MTMR6: variants seen among roughly 807,000 people sequenced by gnomAD.
The protein encoded by MTMR6 is phosphatidylinositol-3,5-bisphosphate 3-phosphatase MTMR6.
Under a neutral mutation model 80.1 loss-of-function variants are expected in MTMR6, and 47 were observed. That is an observed-to-expected ratio of 0.59 (90% confidence interval 0.46 to 0.75). The LOEUF (loss-of-function observed/expected upper bound fraction) is 0.75. Ranked by LOEUF, MTMR6 falls within the 30% of genes least tolerant of loss-of-function variation. The pLI is 0.00. For missense variants in MTMR6, 629 were observed against 730.9 expected (o/e 0.86, Z 1.61); for synonymous variants, 254 against 253.0 (o/e 1.00, Z -0.04).
intron 6 of MTMR6, 121 bp from the exon 7 acceptor site, chr13:25,258,813 C>G (rs561511759): frequency 1.4e-6 from 1 of 717,582 alleles, no homozygotes; most frequent in African/African-American, 1.9e-5. Context: ...CTCATCAAAA[C>G]TGAATAAGCT....
At chr13:25,266,972 T>C (rs74042904) in intron 3 of MTMR6, among the ~76,000 whole-genome samples, 3,599 of 152,188 alleles carry the variant, frequency 0.024, 154 homozygotes, top group African/African-American at 0.083. Flanking sequence ...GATAAGATTC[T>C]TCTTTAGTGG....
chr13:25,272,570 T>G (rs1222021382), intron 2 of MTMR6, among the ~76,000 whole-genome samples: 4 of 152,230 alleles, frequency 2.6e-5, no homozygotes, highest in South Asian at 4.2e-4. Context: ...CAAGAGGTAG[T>G]TTTTCAACCC....
At chr13:25,275,463 T>C (rs1391239509) in intron 1 of MTMR6, among the ~76,000 whole-genome samples, 2 of 152,056 alleles carry the variant, frequency 1.3e-5, no homozygotes, top group South Asian at 2.1e-4. Flanking sequence ...AATTTATGTG[T>C]ACCAGCAGGT....
intron 8 of MTMR6, 71 bp downstream of exon 8, chr13:25,257,665 C>G (rs1423460171): frequency 1.5e-5 from 16 of 1,096,308 alleles, no homozygotes; most frequent in Non-Finnish European, 1.9e-5. Flanking sequence ...ATACCAGCCC[C>G]CAACAGAATA....
chr13:25,254,071 T>C, intron 10 of MTMR6, 107 bp from the exon 11 acceptor site: 1 of 1,158,726 alleles, frequency 8.6e-7, no homozygotes, highest in Non-Finnish European at 1.2e-6. Flanking sequence ...ACTGTTACAT[T>C]AGCATGCAAA....
intron 2 of MTMR6, among the ~76,000 whole-genome samples, chr13:25,273,586 C>T (rs960653422): frequency 6.8e-6 from 1 of 147,422 alleles, no homozygotes; most frequent in Non-Finnish European, 1.5e-5. Context: ...AGTGCAATGG[C>T]GCGATCTCGG....
At position 25,248,907 on chromosome 13, in the gene MTMR6, G is replaced by T; in HGVS notation, c.*325C>A. On this transcript the variant is annotated 3_prime_UTR_variant, in exon 14 of 14. Transcript: ENST00000381801. ...AATTTTGTTTTCTTGAAGTTAAATT[G>T]TACTTAAGGAAGGTTATTTATGTTT... 1 of 209,086 alleles carries T rather than the reference G, an allele frequency of 4.8e-6. No homozygotes were observed. Among genetic ancestry groups the T allele is most frequent in the Non-Finnish European group, 9.5e-6 (1 of 105,376 alleles). The allele number at this position is 209,086 out of a possible 1,614,324, so 13.0% of individuals were successfully genotyped here.
At chr13:25,253,415 G>A (rs1369219645) in intron 11 of MTMR6, among the ~76,000 whole-genome samples, 2 of 152,156 alleles carry the variant, frequency 1.3e-5, no homozygotes, top group African/African-American at 2.4e-5. Flanking sequence ...AATGCAGACC[G>A]AAAAGAAGCA....
At chr13:25,268,568 A>G (rs1200190832) in intron 2 of MTMR6, among the ~76,000 whole-genome samples, 1 of 152,174 alleles carries the variant, frequency 6.6e-6, no homozygotes, top group African/African-American at 2.4e-5. Context: ...AAAACTCATA[A>G]TAACACCAAA....
chr13:25,266,323 T>A, intron 3 of MTMR6, 37 bp from the exon 4 acceptor site: 1 of 1,519,484 alleles, frequency 6.6e-7, no homozygotes, highest in Non-Finnish European at 9.1e-7. Flanking sequence ...AAGTGCAATT[T>A]ATAAGACTTA....
chr13:25,249,393 A>G lies in MTMR6; in HGVS notation c.1705T>C (p.Cys569Arg). The change falls in exon 14 of 14, where the codon TGT becomes CGT. Residue 569 changes from cysteine to arginine, a missense_variant. By Grantham distance (180) the Cys-to-Arg change is radical (BLOSUM62 -3). Transcript: ENST00000381801. ...PESPNLKTSL[C>R]FKEQTLLPVN... The stretch of plus-strand genomic sequence containing the variant: ...GGTAGCAGAGTCTGCTCTTTAAAAC[A>G]CAGGGAAGTTTTGAGGTTAGGTGAT... The G allele has an allele frequency of 1.2e-6, 2 of 1,614,148 alleles. No homozygotes were observed. Among genetic ancestry groups the G allele is most frequent in the South Asian group, 1.1e-5 (1 of 91,088 alleles).
At chr13:25,269,878 T>C (rs1416682056) in intron 2 of MTMR6, among the ~76,000 whole-genome samples, 1 of 152,140 alleles carries the variant, frequency 6.6e-6, no homozygotes, top group Admixed American at 6.5e-5. Context: ...ATCACTTATA[T>C]TAATGCGCCT....
At chr13:25,271,494 AT>A (rs776218034) in intron 2 of MTMR6, among the ~76,000 whole-genome samples, 1 of 152,178 alleles carries the variant, frequency 6.6e-6, no homozygotes, top group African/African-American at 2.4e-5. Context: ...CAATGAATGA[AT>A]TGCCACTTGC....
intron 1 of MTMR6, among the ~76,000 whole-genome samples, chr13:25,278,199 C>T (rs1179720623): frequency 1.3e-5 from 2 of 152,230 alleles, no homozygotes; most frequent in Non-Finnish European, 2.9e-5. Context: ...AGGCTAGCTT[C>T]CTTCTCTACC....
At chr13:25,253,990 T>C (rs757785983) in intron 10 of MTMR6, 26 bp from the exon 11 acceptor site, 28 of 1,607,186 alleles carry the variant, frequency 1.7e-5, no homozygotes, top group Non-Finnish European at 2.4e-5. Context: ...GTATAAGCTT[T>C]TAAAAACACC....
At chr13:25,272,097 G>A (rs929471241) in intron 2 of MTMR6, among the ~76,000 whole-genome samples, 21 of 152,290 alleles carry the variant, frequency 1.4e-4, no homozygotes, top group Admixed American at 5.2e-4. Flanking sequence ...AATAAATGGC[G>A]CCGGTCGTCT....
intron 1 of MTMR6, among the ~76,000 whole-genome samples, chr13:25,285,611 T>C (rs1395421383): frequency 2.6e-5 from 4 of 151,936 alleles, no homozygotes; most frequent in Admixed American, 1.3e-4. Flanking sequence ...CTTGGCTCAC[T>C]GCAATCTCCA....
At chr13:25,287,153 C>T (rs1957969374) in intron 1 of MTMR6, 71 bp downstream of exon 1, 1 of 1,544,540 alleles carries the variant, frequency 6.5e-7, no homozygotes, top group Non-Finnish European at 8.7e-7. Flanking sequence ...GCCAGCAGAG[C>T]CTTCGTCTCC....
At chr13:25,261,301 C>CT (rs1178664511) in intron 6 of MTMR6, among the ~76,000 whole-genome samples, 11 of 35,386 alleles carry the variant, frequency 3.1e-4, no homozygotes, top group African/African-American at 8.9e-4. Flanking sequence ...GCAACTCTGT[C>CT]TTAAAAAAAA....
Sources: allele counts gnomAD v4.1 joint callset (sites outside exome capture counted in the v4.1 genomes callset), GRCh38; gene constraint gnomAD v4.1.1; transcripts MANE v1.5; gene names NCBI Gene and HGNC (gene_info 2026-07-23, HGNC 2026-07-21).